SALL3: variants seen among roughly 807,000 people sequenced by gnomAD.
SALL3 encodes the protein spalt like transcription factor 3, also known as sal-like protein 3.
Under a neutral mutation model 66.2 loss-of-function variants are expected in SALL3, and 25 were observed. The observed-to-expected ratio is 0.38, with a 90% CI of 0.28 to 0.53. SALL3 has a LOEUF of 0.53. Among genes scored for constraint, SALL3 ranks in the 20% least tolerant of loss-of-function variants. SALL3 has a pLI of 0.85. For missense variants in SALL3, 2,194 were observed against 1,916.5 expected, an observed-to-expected ratio of 1.14 and a Z score of -2.70; for synonymous variants, 1,152 against 899.1, an observed-to-expected ratio of 1.28 and a Z score of -5.03.
chr18:78,995,124 C>T lies in SALL3; in HGVS notation c.3133C>T (p.Pro1045Ser), dbSNP rs767667654. 4 of 1,613,712 alleles carry T rather than the reference C, an allele frequency of 2.5e-6. No individual in the cohort carries two copies. In the South Asian group the frequency reaches 3.3e-5, roughly 13 times the overall value. ...ATTTGACCCCAACTTTGCTCTAGGT[C>T]CCAGCCAAAGCACTCCTAGCCTGAT... ...QLFDPNFALGPSQSTPSLISS... is the reference protein window; with the variant it reads ...QLFDPNFALGSSQSTPSLISS... Residue 1045 changes from proline (P) to serine (S), a missense_variant, in exon 2 of 3, where the codon CCC (proline) becomes TCC (serine). Coordinates refer to ENST00000537592, the MANE Select transcript of SALL3 (RefSeq NM_171999.4).
intron 1 of SALL3, among the ~76,000 whole-genome samples, chr18:78,984,258 G>C (rs144193540): frequency 7.9e-5 from 12 of 152,278 alleles, no homozygotes; most frequent in African/African-American, 2.9e-4. Flanking sequence ...AGCACAACCA[G>C]GGTTTCTATT....
At chr18:78,996,789 G>A (rs1476649993) in intron 2 of SALL3, 102 bp from the exon 3 acceptor site, 27 of 1,204,886 alleles carry the variant, frequency 2.2e-5, no homozygotes, top group South Asian at 7.9e-5. Flanking sequence ...CGTAAGTCGC[G>A]CTTGGGAGCG....
intron 1 of SALL3, among the ~76,000 whole-genome samples, chr18:78,985,689 C>G (rs756943244): frequency 6.6e-6 from 1 of 152,194 alleles, no homozygotes; most frequent in Non-Finnish European, 1.5e-5. Context: ...CTGGACGCAG[C>G]GTGGCTCATG....
At position 78,994,749 on chromosome 18, in the gene SALL3, C is replaced by T; in HGVS notation, c.2758C>T (p.Pro920Ser). 6.2e-7 allele frequency: 1 copy of T among 1,602,320 alleles called. No individual in the cohort carries two copies. The highest frequency in any genetic ancestry group is 8.5e-7 in the Non-Finnish European group (1 of 1,178,682). ...TGGTGAGAGCTTCCGCTCCAAGTCC[C>T]CGGGCCTGGGCGCCCCGGAGGAGCC... ...SNGESFRSKS[P>S]GLGAPEEPQE... Residue 920 changes from proline (P) to serine (S), a missense_variant, in exon 2 of 3, where the codon CCG becomes TCG. Physicochemically the swap from Pro to Ser is moderately conservative, Grantham distance 74. Transcript: ENST00000537592.
At position 78,980,373 on chromosome 18, in the gene SALL3, C is replaced by T. The variant is rs1456984641; in HGVS notation, c.82+17C>T. 10 of 1,388,870 alleles carry T rather than the reference C, an allele frequency of 7.2e-6. No individual in the cohort carries two copies. The highest frequency in any genetic ancestry group is 3.2e-5 in the East Asian group (1 of 31,108). 86.0% of individuals were successfully genotyped at this position (1,388,870 alleles called of 1,614,324 possible). On this transcript the variant is annotated intron_variant, in intron 1 of 2. Transcript: ENST00000537592. ...CCGAGCACGGTGAGGGCCGGGGCTG[C>T]GGGGTGGCCGGGGGGTCTGGGGCTG... is the stretch of plus-strand genomic sequence containing the variant.
rs761436675 is a variant in SALL3 at position 78,993,666 on chromosome 18, G to A, written c.1675G>A (p.Ala559Thr). Residue 559 changes from alanine (A) to threonine (T), a missense_variant, in exon 2 of 3, where the codon GCC becomes ACC. Physicochemically the swap from Ala to Thr is moderately conservative, Grantham distance 58. Transcript: ENST00000537592. ...ASRSPQRPSPASSECASLSPG... is the reference protein window; with the variant it reads ...ASRSPQRPSPTSSECASLSPG... ...CCGCTCCCCGCAGAGGCCCTCGCCC[G>A]CCTCCAGCGAGTGCGCCTCCTTGTC... The A allele has an allele frequency of 3.8e-6, 6 of 1,587,536 alleles. No individual in the cohort carries two copies. Among genetic ancestry groups the A allele is most frequent in the African/African-American group, 2.7e-5 (2 of 74,490 alleles).
Position 78,993,731 on chromosome 18 carries a change from C to T in SALL3, c.1740C>T (p.Thr580=), listed in dbSNP as rs549271422. Residue 580 remains threonine, a synonymous_variant, in exon 2 of 3, where the codon ACC becomes ACT. Transcript: ENST00000537592. Reference sequence around the variant, plus strand: ...ACGTGGAGTCCGGCGTGTCGGCCACCGCCGAGTCCCCACAGTCGCTCCTCG... The same window carrying T: ...ACGTGGAGTCCGGCGTGTCGGCCACTGCCGAGTCCCCACAGTCGCTCCTCG... ...LNHVESGVSA[T]AESPQSLLGG... 1.9e-5 allele frequency: 29 copies of T among 1,552,320 alleles called. No individual in the cohort carries two copies. The African/African-American group carries it at 2.2e-4, about 12-fold the overall frequency.
In SALL3 at chr18:78,997,250, G is replaced by A. The variant is rs771134798; in HGVS notation, c.3831G>A (p.Ala1277=). Residue 1277 remains alanine (A), a synonymous_variant, in exon 3 of 3, where the codon GCG becomes GCA. Transcript: ENST00000537592. ...SSPPIVSLDK[A]SSETAASRPF... ...CACCCATCGTCAGCTTGGACAAAGC[G>A]AGCTCAGAAACAGCAGCCAGCCGCC... 96 of 1,613,896 alleles carry A rather than the reference G, an allele frequency of 5.9e-5. No homozygotes were observed. The highest frequency in any genetic ancestry group is 8.0e-5 in the Non-Finnish European group (94 of 1,180,040).
rs1485991296 is a variant in SALL3 at position 78,994,160 on chromosome 18, G to A, written c.2169G>A (p.Lys723=). The A allele has an allele frequency of 1.2e-6, 2 of 1,613,148 alleles. No individual in the cohort carries two copies. The highest frequency in any genetic ancestry group is 1.6e-4 in the Middle Eastern group (1 of 6,062). ...CCTTCACCACCAAGGGCAACCTCAAGACGCACTTCGGCGTGCACCGTGCAA... is the reference window on the plus strand; with the variant it reads ...CCTTCACCACCAAGGGCAACCTCAAAACGCACTTCGGCGTGCACCGTGCAA... ...GRAFTTKGNL[K]THFGVHRAKP... is the part of the protein sequence containing the mutation. The change falls in exon 2 of 3, where the codon AAG becomes AAA. Residue 723 remains lysine, a synonymous_variant. Transcript: ENST00000537592.
intron 1 of SALL3, chr18:78,984,884 T>C (rs1344901622): frequency 6.6e-6 from 1 of 152,182 alleles, no homozygotes; most frequent in Non-Finnish European, 1.5e-5. Flanking sequence ...GTCTAAATAT[T>C]TTCCTCTGTG....
At chr18:78,995,890 G>A (rs544931559) in intron 2 of SALL3, among the ~76,000 whole-genome samples, 3 of 152,270 alleles carry the variant, frequency 2.0e-5, no homozygotes, top group East Asian at 1.9e-4. Flanking sequence ...GGCCTCTCCC[G>A]GGGAACACGT....
Position 78,997,278 on chromosome 18 carries a change from T to A in SALL3, c.3859T>A (p.Phe1287Ile). The stretch of plus-strand genomic sequence containing the variant: ...CTCAGAAACAGCAGCCAGCCGCCCA[T>A]TCACGCGGTTTATCGAGGATAACAA... ...ASSETAASRP[F>I]TRFIEDNKEI... is the part of the protein sequence containing the mutation. The change falls in exon 3 of 3, where the codon TTC becomes ATC. Residue 1287 changes from phenylalanine to isoleucine, a missense_variant. Transcript: ENST00000537592. The A allele has an allele frequency of 6.2e-7, 1 of 1,613,994 alleles. No homozygotes were observed. Among genetic ancestry groups the A allele is most frequent in the Admixed American group, 1.7e-5 (1 of 60,028 alleles).
chr18:78,995,190 G>A lies in SALL3; in HGVS notation c.3199G>A (p.Gly1067Ser), dbSNP rs540892624. 3.1e-6 allele frequency: 5 copies of A among 1,611,462 alleles called. No homozygotes were observed. The South Asian group carries it at 5.5e-5, about 18-fold the overall frequency. ...CACCATGATCAAAATGGAAGTGAAC[G>A]GTCACGGCAAGGCCATGGCGCTGGG... ...APTMIKMEVN[G>S]HGKAMALGEG... The change falls in exon 2 of 3, where the codon GGT becomes AGT. Residue 1067 changes from glycine (G) to serine (S), a missense_variant. Coordinates refer to ENST00000537592, the MANE Select transcript of SALL3 (RefSeq NM_171999.4).
rs1245564707 is a variant in SALL3 at position 78,994,230 on chromosome 18, A to T, written c.2239A>T (p.Lys747Ter). Residue 747 changes from lysine to a stop codon, truncating the protein, a stop_gained, in exon 2 of 3, where the codon AAG (lysine) becomes TAG (stop). Coordinates refer to ENST00000537592, the MANE Select transcript of SALL3 (RefSeq NM_171999.4). LOFTEE classifies it high-confidence loss of function. Reference sequence around the variant, plus strand: ...GCACTCCTGCCCCATCTGCCAGAAGAAGTTCACCAACGCCGTGGTCCTGCA... The same window carrying T: ...GCACTCCTGCCCCATCTGCCAGAAGTAGTTCACCAACGCCGTGGTCCTGCA... ...VQHSCPICQKKFTNAVVLQQH... is the reference protein window; with the variant it reads ...VQHSCPICQK 4.3e-6 allele frequency: 7 copies of T among 1,613,536 alleles called. No homozygotes were observed. Among genetic ancestry groups the T allele is most frequent in the Non-Finnish European group, 5.9e-6 (7 of 1,179,956 alleles).
intron 2 of SALL3, 146 bp downstream of exon 2, chr18:78,995,608 G>C: frequency 1.5e-6 from 2 of 1,313,704 alleles, no homozygotes; most frequent in Admixed American, 2.9e-5. Context: ...GTGTGTGTGC[G>C]TGATGTGTGC....
rs1020356428 is a variant in SALL3 at position 78,992,918 on chromosome 18, C to T, written c.927C>T (p.Ser309=). The T allele has an allele frequency of 8.9e-5, 88 of 989,864 alleles. No homozygotes were observed. The South Asian group carries it at 2.8e-3, about 32-fold the overall frequency. 61.3% of individuals were successfully genotyped at this position (989,864 alleles called of 1,614,324 possible). Residue 309 remains serine, a synonymous_variant, in exon 2 of 3, where the codon AGC becomes AGT. Coordinates refer to ENST00000537592, the MANE Select transcript of SALL3 (RefSeq NM_171999.4). The part of the protein sequence containing the change: ...ASTPGGPAEP[S]APAAPSAAPA... ...CCCCCGGCGGCCCTGCGGAGCCCAG[C>T]GCGCCCGCCGCCCCCAGCGCCGCCC...
chr18:78,984,142 G>C (rs946196043), intron 1 of SALL3, among the ~76,000 whole-genome samples: 4 of 152,162 alleles, frequency 2.6e-5, no homozygotes, highest in African/African-American at 9.7e-5. Flanking sequence ...ACAAGATGAT[G>C]GTAAAAGTGG....
chr18:78,991,354 T>G (rs1045265862), intron 1 of SALL3, among the ~76,000 whole-genome samples: 1 of 110,942 alleles, frequency 9.0e-6, no homozygotes, highest in Non-Finnish European at 1.7e-5. Context: ...AATGTAGAAG[T>G]GTACCCTATC....
In SALL3 at chr18:78,979,971, G is replaced by C. The variant is rs1331065096; in HGVS notation, c.-304G>C. ...GGAGCCCGCGATGTGAGGCGGCGCCGGGCAGCGCGCGCCCCGGTCCCGAGG... is the reference window on the plus strand; with the variant it reads ...GGAGCCCGCGATGTGAGGCGGCGCCCGGCAGCGCGCGCCCCGGTCCCGAGG... On this transcript the variant is annotated 5_prime_UTR_variant, in exon 1 of 3. Coordinates refer to ENST00000537592, the MANE Select transcript of SALL3 (RefSeq NM_171999.4). Among the ~76,000 whole-genome samples the C allele has an allele frequency of 6.9e-6, 1 of 144,822 alleles. No homozygotes were observed. Among genetic ancestry groups the C allele is most frequent in the Non-Finnish European group, 1.5e-5 (1 of 65,264 alleles).
Sources: allele counts gnomAD v4.1 joint callset (sites outside exome capture counted in the v4.1 genomes callset), GRCh38; gene constraint gnomAD v4.1.1; transcripts MANE v1.5; gene names NCBI Gene and HGNC (gene_info 2026-07-23, HGNC 2026-07-21).